NEBL: variants seen among roughly 807,000 people sequenced by gnomAD.
The protein encoded by NEBL is LIM and SH3 protein 2.
Under a neutral mutation model 140.2 loss-of-function variants are expected in NEBL, and 122 were observed. The observed-to-expected ratio is 0.87, with a 90% CI of 0.75 to 1.01. The LOEUF (loss-of-function observed/expected upper bound fraction) is 1.01. NEBL is among the 50% of genes least tolerant of loss of function. NEBL has a pLI of 0.00. For synonymous variants in NEBL, 436 were observed against 398.9 expected (o/e 1.09, Z -1.11); for missense variants, 1,365 against 1,231.3 (o/e 1.11, Z -1.62).
chr10:21,169,215 C>T (rs956474949), intron 2 of NEBL, among the ~76,000 whole-genome samples: 1 of 148,132 alleles, frequency 6.8e-6, no homozygotes, highest in Non-Finnish European at 1.5e-5. Flanking sequence ...TATTCTTTTA[C>T]TTTTTTTTCA....
At chr10:20,978,161 G>A (rs1372979718) in intron 3 of NEBL, among the ~76,000 whole-genome samples, 1 of 152,156 alleles carries the variant, frequency 6.6e-6, no homozygotes, top group Non-Finnish European at 1.5e-5. Flanking sequence ...CTAAAAGACA[G>A]ACCCGAAATG....
intron 2 of NEBL, among the ~76,000 whole-genome samples, chr10:21,127,441 G>A (rs920534197): frequency 1.3e-5 from 2 of 152,042 alleles, no homozygotes; most frequent in Non-Finnish European, 2.9e-5. Context: ...GGTGGACCAG[G>A]TATACAGCTA....
rs555275460 is a variant in NEBL at position 21,064,018 on chromosome 10, A to G, written c.165-43817T>C. Among the ~76,000 whole-genome samples, 380 of 151,434 alleles carry G rather than the reference A, an allele frequency of 2.5e-3. 3 individuals are homozygous for G. The highest frequency in any genetic ancestry group is 4.8e-3 in the Non-Finnish European group (327 of 67,780). Reference sequence around the variant, plus strand: ...GCCCGGGAGGCAGAGGTTGCAATGAACTGAGATCGCGCCACTGTACTCCAG... The same window carrying G: ...GCCCGGGAGGCAGAGGTTGCAATGAGCTGAGATCGCGCCACTGTACTCCAG... On this transcript the variant is annotated intron_variant, in intron 2 of 6. Coordinates refer to the NEBL transcript ENST00000417816.
chr10:20,920,392 C>T (rs1210790835), intron 4 of NEBL, among the ~76,000 whole-genome samples: 2 of 152,136 alleles, frequency 1.3e-5, no homozygotes, highest in African/African-American at 4.8e-5. Context: ...GGAAATAACC[C>T]AAATGCCCAT....
intron 2 of NEBL, chr10:21,029,124 T>C: frequency 7.8e-7 from 1 of 1,276,888 alleles, no homozygotes; most frequent in Non-Finnish European, 1.1e-6. Flanking sequence ...GCTGGGCTGA[T>C]GCAACAGATG....
chr10:20,804,100 A>T (rs1046879313), intron 26 of NEBL, among the ~76,000 whole-genome samples: 3 of 152,138 alleles, frequency 2.0e-5, no homozygotes, highest in Admixed American at 2.0e-4. Context: ...AACAGTCAAC[A>T]AAACAGCCAG....
intron 4 of NEBL, among the ~76,000 whole-genome samples, chr10:20,949,468 A>T (rs528831642): frequency 6.6e-6 from 1 of 152,342 alleles, no homozygotes; most frequent in East Asian, 1.9e-4. Context: ...TAAAAAATAA[A>T]AAGAAATTCA....
intron 3 of NEBL, among the ~76,000 whole-genome samples, chr10:21,189,619 C>T (rs1307585103): frequency 5.3e-5 from 8 of 151,786 alleles, no homozygotes; most frequent in East Asian, 1.9e-4. Flanking sequence ...CGCCCGCCAC[C>T]GCGCCCAGCT....
chr10:20,819,537 C>T lies in NEBL; in HGVS notation c.1963-21G>A, dbSNP rs566104456. On this transcript the variant is annotated intron_variant, in intron 19 of 27. Coordinates refer to ENST00000377122, the MANE Select transcript of NEBL (RefSeq NM_006393.3). Reference sequence around the variant, plus strand: ...TGGAGCTGAGAGACAAGGTGCAAGACAGTTTGAGATTATGGGAAATAAATA... The same window carrying T: ...TGGAGCTGAGAGACAAGGTGCAAGATAGTTTGAGATTATGGGAAATAAATA... 6 of 1,613,596 alleles carry T rather than the reference C, an allele frequency of 3.7e-6. No homozygotes were observed. The South Asian group carries it at 4.4e-5, about 12-fold the overall frequency.
intron 2 of NEBL, among the ~76,000 whole-genome samples, chr10:21,024,040 T>C (rs1272646257): frequency 6.6e-6 from 1 of 151,382 alleles, no homozygotes; most frequent in Non-Finnish European, 1.5e-5. Context: ...AGCATCAAAG[T>C]TCTATTTGGA....
intron 2 of NEBL, among the ~76,000 whole-genome samples, chr10:21,023,337 G>T (rs1414593496): frequency 6.6e-6 from 1 of 152,146 alleles, no homozygotes; most frequent in Non-Finnish European, 1.5e-5. Flanking sequence ...ATACTAACTT[G>T]CAGGTTCACT....
intron 3 of NEBL, among the ~76,000 whole-genome samples, chr10:21,230,219 G>A (rs1309993449): frequency 2.0e-5 from 3 of 152,152 alleles, no homozygotes; most frequent in African/African-American, 7.2e-5. Context: ...ATGGGCTTGG[G>A]AGTGAGTCAA....
chr10:20,951,058 C>T (rs964973465), intron 4 of NEBL, among the ~76,000 whole-genome samples: 10 of 151,916 alleles, frequency 6.6e-5, no homozygotes, highest in African/African-American at 2.4e-4. Context: ...TGGCTTGAGC[C>T]GAGGAGTTCA....
At chr10:21,046,174 A>G (rs678185) in intron 2 of NEBL, among the ~76,000 whole-genome samples, 89,561 of 152,034 alleles carry the variant, frequency 0.59, 26,500 homozygotes, top group Admixed American at 0.63. Flanking sequence ...TGAAATCTAA[A>G]AAAGTTGAAC....
chr10:20,794,283 A>G (rs1836290587), intron 26 of NEBL, among the ~76,000 whole-genome samples: 1 of 152,200 alleles, frequency 6.6e-6, no homozygotes, highest in Admixed American at 6.5e-5. Context: ...TCTCAAGCCA[A>G]TGCTAGGATC....
At chr10:21,166,422 C>T (rs1840782327) in intron 2 of NEBL, among the ~76,000 whole-genome samples, 1 of 152,068 alleles carries the variant, frequency 6.6e-6, no homozygotes, top group African/African-American at 2.4e-5. Flanking sequence ...TAATGGGTAG[C>T]AGCCCATAGT....
chr10:20,822,994 T>C (rs1288833208), intron 19 of NEBL, among the ~76,000 whole-genome samples: 1 of 152,110 alleles, frequency 6.6e-6, no homozygotes, highest in Non-Finnish European at 1.5e-5. Flanking sequence ...GTCTGAATAA[T>C]ATGTGTCTTT....
intron 23 of NEBL, 143 bp from the exon 24 acceptor site, chr10:20,813,083 A>G: frequency 1.4e-6 from 1 of 736,128 alleles, no homozygotes; most frequent in Admixed American, 2.2e-5. Flanking sequence ...TCCAAAACTA[A>G]AGTCTGGAAC....
intron 15 of NEBL, 70 bp from the exon 16 acceptor site, chr10:20,831,376 G>T: frequency 1.3e-6 from 2 of 1,491,478 alleles, no homozygotes. Flanking sequence ...TTACATGTTT[G>T]AATCTCAAAG....
Sources: allele counts gnomAD v4.1 joint callset (sites outside exome capture counted in the v4.1 genomes callset), GRCh38; gene constraint gnomAD v4.1.1; transcripts MANE v1.5; gene names NCBI Gene and HGNC (gene_info 2026-07-23, HGNC 2026-07-21).